The following CLCN3 variants were observed in gnomAD, a reference collection of about 807,000 sequenced individuals.
CLCN3 encodes the protein H(+)/Cl(-) exchange transporter 3.
Under a neutral mutation model 83.4 loss-of-function variants are expected in CLCN3, and 16 were observed. The observed-to-expected ratio is 0.19, with a 90% CI of 0.13 to 0.29. CLCN3 has a LOEUF of 0.29. CLCN3 is among the 10% of genes least tolerant of loss of function. CLCN3 has a pLI of 1.00. For synonymous variants in CLCN3, 322 were observed against 346.2 expected (o/e 0.93, Z 0.78); for missense variants, 544 against 1,006.0 (o/e 0.54, Z 6.21).
intron 2 of CLCN3, among the ~76,000 whole-genome samples, chr4:169,665,160 G>T (rs1028763080): frequency 1.3e-5 from 2 of 152,150 alleles, no homozygotes; most frequent in African/African-American, 4.8e-5. Flanking sequence ...TGTGGAACTT[G>T]TTTCCAATTA....
At chr4:169,641,438 A>C (rs916883715) in intron 2 of CLCN3, among the ~76,000 whole-genome samples, 3 of 152,192 alleles carry the variant, frequency 2.0e-5, no homozygotes, top group African/African-American at 7.2e-5. Context: ...CAGAAACCAC[A>C]TAGTAGACGA....
intron 9 of CLCN3, among the ~76,000 whole-genome samples, chr4:169,700,780 T>C (rs900884329): frequency 6.6e-6 from 1 of 152,218 alleles, no homozygotes; most frequent in African/African-American, 2.4e-5. Flanking sequence ...ATATAAAAGT[T>C]CTGTTTACAC....
rs563945748 is a variant in CLCN3 at position 169,721,583 on chromosome 4, G to C, written c.*1586G>C. On this transcript the variant is annotated 3_prime_UTR_variant, in exon 13 of 13. Coordinates refer to ENST00000513761, the MANE Select transcript of CLCN3 (RefSeq NM_001829.4). The stretch of plus-strand genomic sequence containing the variant: ...AAACAATAGAATTGCAAAGATAGCA[G>C]TTAAAATTTTAATCTGAAAATAACC... 1 of 152,320 alleles carries C rather than the reference G, an allele frequency of 6.6e-6. No homozygotes were observed. Among genetic ancestry groups the C allele is most frequent in the Admixed American group, 6.5e-5 (1 of 15,298 alleles). The allele number at this position is 152,320 out of a possible 1,614,324, so 9.4% of individuals were successfully genotyped here.
chr4:169,633,236 C>T (rs1263597329), intron 1 of CLCN3, among the ~76,000 whole-genome samples: 1 of 152,150 alleles, frequency 6.6e-6, no homozygotes, highest in Non-Finnish European at 1.5e-5. Flanking sequence ...GTCTTGAGCT[C>T]TTGACCTCAA....
At chr4:169,717,732 G>T in intron 12 of CLCN3, 2 of 1,066,798 alleles carry the variant, frequency 1.9e-6, no homozygotes, top group African/African-American at 1.6e-5. Flanking sequence ...TTATCATTAT[G>T]ATTGGAAACT....
chr4:169,669,753 C>T (rs188526383), intron 2 of CLCN3, among the ~76,000 whole-genome samples: 31 of 152,280 alleles, frequency 2.0e-4, no homozygotes, highest in African/African-American at 7.2e-4. Context: ...CAGCAATCCT[C>T]ATATAGTTAG....
chr4:169,684,814 A>G (rs150833321), intron 3 of CLCN3, among the ~76,000 whole-genome samples: 2,038 of 152,154 alleles, frequency 0.013, 18 homozygotes, highest in Non-Finnish European at 0.021. Context: ...AACATCACAA[A>G]CATAGTCATT....
intron 2 of CLCN3, 25 bp downstream of exon 2, chr4:169,636,113 G>A (rs200566777): frequency 2.6e-4 from 418 of 1,587,772 alleles, no homozygotes; most frequent in Non-Finnish European, 3.5e-4. Flanking sequence ...ACAGCCTAAT[G>A]TTTGTATTCA....
chr4:169,670,257 C>A (rs922933519), intron 2 of CLCN3, among the ~76,000 whole-genome samples: 6 of 152,048 alleles, frequency 3.9e-5, no homozygotes, highest in African/African-American at 1.4e-4. Flanking sequence ...TACATTTAAG[C>A]CTCAAATCGA....
intron 1 of CLCN3, among the ~76,000 whole-genome samples, chr4:169,632,219 CAAAG>C (rs1773390444): frequency 6.6e-6 from 1 of 152,036 alleles, no homozygotes. Flanking sequence ...GAGGGAGCAA[CAAAG>C]GCCTTGGGGC....
At chr4:169,660,292 T>G in intron 2 of CLCN3, 1 of 1,316,506 alleles carries the variant, frequency 7.6e-7, no homozygotes, top group Non-Finnish European at 9.6e-7. Flanking sequence ...GCAGCAGGGA[T>G]GGAAGAAATG....
intron 1 of CLCN3, among the ~76,000 whole-genome samples, chr4:169,634,630 T>C (rs1005640459): frequency 2.6e-5 from 4 of 152,288 alleles, no homozygotes; most frequent in Non-Finnish European, 5.9e-5. Flanking sequence ...CAGCAAGTAT[T>C]TACATTTTTC....
intron 3 of CLCN3, among the ~76,000 whole-genome samples, chr4:169,687,117 G>A (rs1300193684): frequency 2.6e-5 from 4 of 152,134 alleles, no homozygotes; most frequent in Admixed American, 6.6e-5. Flanking sequence ...TTAACTGCTA[G>A]GACCAGAGAA....
intron 9 of CLCN3, among the ~76,000 whole-genome samples, chr4:169,700,096 T>C (rs1732721764): frequency 6.6e-6 from 1 of 152,156 alleles, no homozygotes; most frequent in Non-Finnish European, 1.5e-5. Flanking sequence ...TTGACTCAGC[T>C]CTGGCTGAAG....
chr4:169,686,996 A>G (rs1004051496), intron 3 of CLCN3, among the ~76,000 whole-genome samples: 7 of 152,312 alleles, frequency 4.6e-5, no homozygotes, highest in South Asian at 4.1e-4. Flanking sequence ...TAAAAGGCCT[A>G]TAAGTTTTGG....
intron 1 of CLCN3, among the ~76,000 whole-genome samples, chr4:169,632,577 C>T (rs1773401526): frequency 2.6e-5 from 4 of 151,814 alleles, no homozygotes; most frequent in Non-Finnish European, 4.4e-5. Flanking sequence ...ATTAGCCGGG[C>T]GCAGTGGCGG....
chr4:169,687,801 T>G, intron 4 of CLCN3, 44 bp downstream of exon 4: 1 of 1,084,266 alleles, frequency 9.2e-7, no homozygotes, highest in Non-Finnish European at 1.4e-6. Flanking sequence ...TTAACAGAAG[T>G]ATAAACTGTT....
chr4:169,674,923 G>C (rs1326538622), intron 2 of CLCN3, among the ~76,000 whole-genome samples: 1 of 152,086 alleles, frequency 6.6e-6, no homozygotes, highest in Non-Finnish European at 1.5e-5. Context: ...GCTAGTTTTT[G>C]TAGAGATGGG....
intron 2 of CLCN3, among the ~76,000 whole-genome samples, chr4:169,656,825 C>T (rs1353150037): frequency 1.3e-5 from 2 of 152,022 alleles, no homozygotes; most frequent in African/African-American, 4.8e-5. Flanking sequence ...GTGTGTATTC[C>T]CTGCTATTGG....
Sources: gnomAD v4.1 joint callset for allele counts (sites outside exome capture counted in the v4.1 genomes callset) on GRCh38, gnomAD v4.1.1 for gene constraint, MANE v1.5 for transcripts, NCBI Gene and HGNC (gene_info 2026-07-23, HGNC 2026-07-21) for gene names.